SCFD2: variants seen among roughly 807,000 people sequenced by gnomAD.
The protein encoded by SCFD2 is sec1 family domain-containing protein 2.
A neutral mutation model predicts 58.9 loss-of-function variants in SCFD2; 54 were observed. That is an observed-to-expected ratio of 0.92 (90% CI 0.74 to 1.15). SCFD2 has a LOEUF of 1.15. Ranked by LOEUF, SCFD2 falls within the 50% of genes most tolerant of loss-of-function variation. The pLI is 0.00. For synonymous variants in SCFD2, 321 were observed against 335.9 expected, an observed-to-expected ratio of 0.96 and a Z score of 0.49; for missense variants, 805 against 836.6, an observed-to-expected ratio of 0.96 and a Z score of 0.47.
At chr4:53,141,645 GA>G (rs34162723) in intron 5 of SCFD2, among the ~76,000 whole-genome samples, 126,653 of 145,136 alleles carry the variant, frequency 0.87, 55,232 homozygotes, top group Non-Finnish European at 0.92. Flanking sequence ...AGTCAAATTT[GA>G]AAAAAAAAAA....
At chr4:53,000,332 C>T (rs1721835799) in intron 5 of SCFD2, among the ~76,000 whole-genome samples, 1 of 152,184 alleles carries the variant, frequency 6.6e-6, no homozygotes, top group African/African-American at 2.4e-5. Flanking sequence ...AAAGATTTCA[C>T]ATACAAATAG....
chr4:52,901,802 T>A (rs952577043), intron 7 of SCFD2, among the ~76,000 whole-genome samples: 6 of 152,244 alleles, frequency 3.9e-5, no homozygotes, highest in African/African-American at 1.4e-4. Flanking sequence ...GAAAGTAAGT[T>A]CAACCAGTTG....
intron 7 of SCFD2, among the ~76,000 whole-genome samples, chr4:52,906,461 T>C (rs1360890183): frequency 1.3e-5 from 2 of 152,204 alleles, no homozygotes; most frequent in Non-Finnish European, 2.9e-5. Context: ...GGCCTACTTA[T>C]ACCAACTCAG....
At chr4:53,156,323 C>T (rs1270313996) in intron 4 of SCFD2, among the ~76,000 whole-genome samples, 3 of 148,760 alleles carry the variant, frequency 2.0e-5, no homozygotes, top group East Asian at 2.0e-4. Flanking sequence ...TGCTTGAACC[C>T]GGGAGGCAGA....
intron 5 of SCFD2, among the ~76,000 whole-genome samples, chr4:53,104,900 T>C (rs1419141802): frequency 4.6e-5 from 7 of 152,122 alleles, no homozygotes; most frequent in Non-Finnish European, 1.0e-4. Context: ...GCTGGCAAGA[T>C]GGCTGAATAG....
intron 2 of SCFD2, among the ~76,000 whole-genome samples, chr4:53,345,649 T>C (rs1236348241): frequency 6.6e-6 from 1 of 151,846 alleles, no homozygotes; most frequent in Non-Finnish European, 1.5e-5. Flanking sequence ...CACGCACATG[T>C]ATGTTTATTG....
chr4:53,271,229 A>G (rs1731153771), intron 4 of SCFD2, among the ~76,000 whole-genome samples: 1 of 151,998 alleles, frequency 6.6e-6, no homozygotes, highest in African/African-American at 2.4e-5. Flanking sequence ...TAAACTAACA[A>G]TATATAACAG....
chr4:53,340,810 G>A (rs889913743), intron 2 of SCFD2, among the ~76,000 whole-genome samples: 5 of 152,196 alleles, frequency 3.3e-5, no homozygotes, highest in East Asian at 1.9e-4. Context: ...TGCAATATTC[G>A]CTGTTATGCA....
At position 53,099,110 on chromosome 4, in the gene SCFD2, AG is replaced by A. The variant is rs1295285011; in HGVS notation, c.1561+46222del. Among the ~76,000 whole-genome samples the A allele has an allele frequency of 3.3e-5, 5 of 152,336 alleles. 1 individual carries two copies. The highest frequency in any genetic ancestry group is 3.9e-4 in the East Asian group (2 of 5,182). ...GTAAGTATTCAAAAACTGTTTGTTA[AG>A]TGAATGAATACAAGCACTGGTACTA... is the stretch of plus-strand genomic sequence containing the variant. On this transcript the variant is annotated intron_variant, in intron 5 of 8. Transcript: ENST00000401642.
At chr4:52,940,420 A>T (rs993150081) in intron 5 of SCFD2, among the ~76,000 whole-genome samples, 2 of 152,236 alleles carry the variant, frequency 1.3e-5, no homozygotes, top group African/African-American at 4.8e-5. Flanking sequence ...CTGCTAGGTC[A>T]CAATGTAGGA....
intron 5 of SCFD2, among the ~76,000 whole-genome samples, chr4:52,984,400 G>C (rs1409719964): frequency 6.6e-6 from 1 of 152,110 alleles, no homozygotes; most frequent in African/African-American, 2.4e-5. Context: ...ATTGTCAAGG[G>C]TGTTCTATCA....
intron 5 of SCFD2, among the ~76,000 whole-genome samples, chr4:53,100,334 A>T (rs1242100813): frequency 1.3e-5 from 2 of 152,184 alleles, no homozygotes; most frequent in Non-Finnish European, 2.9e-5. Flanking sequence ...TCTGGCACCT[A>T]GTGATGGTCC....
At chr4:53,236,390 A>G (rs1265619782) in intron 4 of SCFD2, among the ~76,000 whole-genome samples, 1 of 151,138 alleles carries the variant, frequency 6.6e-6, no homozygotes, top group East Asian at 1.9e-4. Flanking sequence ...AAGCATATGT[A>G]AGTGTGTGTG....
chr4:52,877,234 A>C (rs957940159), intron 8 of SCFD2, among the ~76,000 whole-genome samples: 5 of 152,178 alleles, frequency 3.3e-5, no homozygotes, highest in African/African-American at 9.7e-5. Flanking sequence ...ACATCTGAAC[A>C]AGCAGGTGTT....
chr4:53,300,842 A>C, intron 3 of SCFD2, among the ~76,000 whole-genome samples: 1 of 152,226 alleles, frequency 6.6e-6, no homozygotes, highest in Non-Finnish European at 1.5e-5. Context: ...GCTGCTCCTG[A>C]ATGACTACTG....
chr4:53,294,050 G>T (rs999336246), intron 3 of SCFD2, among the ~76,000 whole-genome samples: 16 of 152,036 alleles, frequency 1.1e-4, no homozygotes, highest in Non-Finnish European at 2.2e-4. Flanking sequence ...TAATTGATGG[G>T]CATTTGGGTT....
At chr4:53,232,251 A>G (rs1317930663) in intron 4 of SCFD2, among the ~76,000 whole-genome samples, 1 of 152,202 alleles carries the variant, frequency 6.6e-6, no homozygotes, top group Non-Finnish European at 1.5e-5. Flanking sequence ...CACCATCCCT[A>G]TGTGGACGAA....
chr4:53,039,195 C>T (rs942036410), intron 5 of SCFD2, among the ~76,000 whole-genome samples: 1 of 152,106 alleles, frequency 6.6e-6, no homozygotes, highest in Non-Finnish European at 1.5e-5. Flanking sequence ...TTATGGGAAC[C>T]CCATTTGGGA....
intron 3 of SCFD2, among the ~76,000 whole-genome samples, chr4:53,302,030 G>C (rs1031784746): frequency 4.6e-5 from 7 of 152,156 alleles, no homozygotes; most frequent in African/African-American, 1.7e-4. Context: ...CATTCCCTTT[G>C]AAAACGGGCA....
Sources: gnomAD v4.1 joint callset for allele counts (sites outside exome capture counted in the v4.1 genomes callset) on GRCh38, gnomAD v4.1.1 for gene constraint, MANE v1.5 for transcripts, NCBI Gene and HGNC (gene_info 2026-07-23, HGNC 2026-07-21) for gene names.